Variants in PTCHD4 observed in about 807,000 individuals in gnomAD.
PTCHD4 encodes patched domain-containing protein 4.
A neutral mutation model predicts 58.1 loss-of-function variants in PTCHD4; 33 were observed. That is an observed-to-expected ratio of 0.57 (90% CI 0.43 to 0.76). The LOEUF (loss-of-function observed/expected upper bound fraction) is 0.76, where lower values mean the gene tolerates loss of function less well. PTCHD4 is among the 30% of genes least tolerant of loss of function. The probability of loss-of-function intolerance (pLI) is 0.00; values close to 1 mark genes in which losing one functional copy is unlikely to be tolerated. For synonymous variants in PTCHD4, 478 were observed against 409.6 expected (o/e 1.17, Z -2.02); for missense variants, 1,058 against 1,027.1 (o/e 1.03, Z -0.41).
chr6:47,932,975 T>C lies in PTCHD4; in HGVS notation c.899-53039A>G, dbSNP rs1044447766. 2.6e-5 allele frequency among the ~76,000 whole-genome samples: 4 copies of C among 152,190 alleles called. No homozygotes were observed. In the East Asian group the frequency reaches 7.7e-4, roughly 29 times the overall value. On this transcript the variant is annotated intron_variant, in intron 4 of 4. Coordinates refer to ENST00000339488, the MANE Select transcript of PTCHD4 (RefSeq NM_001384253.1). ...TGTATTATTAATCAAAGGAAGAGAG[T>C]ATAGAATATCTAGAAGAAAGATGAC... is the stretch of plus-strand genomic sequence containing the variant.
chr6:48,068,302 G>C lies in PTCHD4; in HGVS notation c.345C>G (p.Ser115=), dbSNP rs575669764. Residue 115 remains serine (S), a synonymous_variant, in exon 3 of 5, where the codon TCC becomes TCG. Transcript: ENST00000339488. The surrounding 1 kb of genome is among the most constrained non-coding windows in gnomAD (Gnocchi z 4.2). Reference sequence around the variant, plus strand: ...GGAGCAAAATATTGTCCCCGGTTGGGGAGAGGAGGATCACCCTGCCATACC... The same window carrying C: ...GGAGCAAAATATTGTCCCCGGTTGGCGAGAGGAGGATCACCCTGCCATACC... ...PGRYGRVILL[S]PTGDNILLQA... 1.6e-5 allele frequency: 26 copies of C among 1,612,660 alleles called. No individual in the cohort carries two copies. The highest frequency in any genetic ancestry group is 1.9e-5 in the Non-Finnish European group (22 of 1,178,868).
chr6:48,045,366 T>A (rs1217238124), intron 3 of PTCHD4, among the ~76,000 whole-genome samples: 1 of 151,802 alleles, frequency 6.6e-6, no homozygotes, highest in Non-Finnish European at 1.5e-5. Context: ...CATTTAAAAG[T>A]GTTTGAGTCG....
intron 4 of PTCHD4, among the ~76,000 whole-genome samples, chr6:47,966,175 C>T (rs147764562): frequency 0.014 from 2,097 of 152,234 alleles, 20 homozygotes; most frequent in Non-Finnish European, 0.019. Context: ...GTCATACAGG[C>T]ATACTTTGAT....
chr6:48,089,082 T>C (rs1765316348), intron 1 of PTCHD4, among the ~76,000 whole-genome samples: 1 of 152,034 alleles, frequency 6.6e-6, no homozygotes, highest in Non-Finnish European at 1.5e-5. Context: ...ATGGGGGTAA[T>C]CATTACTATG....
At chr6:48,032,068 C>A (rs59046959) in intron 3 of PTCHD4, among the ~76,000 whole-genome samples, 120,561 of 151,266 alleles carry the variant, frequency 0.8, 48,066 homozygotes, top group Middle Eastern at 0.85. Context: ...CTCCACAAAC[C>A]CCAGGCATTT....
intron 3 of PTCHD4, among the ~76,000 whole-genome samples, chr6:48,049,302 G>A (rs1435535226): frequency 2.0e-5 from 3 of 146,426 alleles, no homozygotes; most frequent in Non-Finnish European, 4.5e-5. Flanking sequence ...ATAGTGCCAA[G>A]GTCAAGAAAC....
At chr6:48,003,951 G>T (rs566205071) in intron 4 of PTCHD4, among the ~76,000 whole-genome samples, 2 of 152,006 alleles carry the variant, frequency 1.3e-5, no homozygotes, top group African/African-American at 4.8e-5. Context: ...CTTTAGAAAG[G>T]CTTTTATCTG....
chr6:47,915,037 A>T (rs1461924835), intron 4 of PTCHD4, among the ~76,000 whole-genome samples: 2 of 152,118 alleles, frequency 1.3e-5, no homozygotes, highest in African/African-American at 2.4e-5. Flanking sequence ...GGGCCAATAA[A>T]ATATGTCTGC....
intron 4 of PTCHD4, among the ~76,000 whole-genome samples, chr6:47,890,205 G>C (rs1018910899): frequency 6.6e-6 from 1 of 151,466 alleles, no homozygotes; most frequent in South Asian, 2.1e-4. Context: ...AAATTTGTAT[G>C]TTTTTATATA....
intron 1 of PTCHD4, among the ~76,000 whole-genome samples, chr6:48,103,906 G>C (rs528113526): frequency 6.6e-6 from 1 of 152,132 alleles, no homozygotes; most frequent in Non-Finnish European, 1.5e-5. Flanking sequence ...AGAGGAAAAA[G>C]AATAAAAAGA....
Position 48,068,570 on chromosome 6 carries a change from G to T in PTCHD4, c.77C>A (p.Ser26Ter). The change falls in exon 3 of 5, where the codon TCG (serine) becomes TAG (stop). Residue 26 changes from serine (S) to a stop codon, truncating the protein, a stop_gained. Transcript: ENST00000339488. LOFTEE classifies it high-confidence loss of function. This position sits in a 1 kb window ranked among gnomAD's most constrained non-coding sequence, Gnocchi z 4.2. ...LRQVLRRGLQ[S>*]FCHRLGLCVS... ...GCACAAACCCAGCCTGTGGCAGAAC[G>T]ACTGGAGCCCTCTGCGAAGCACCTG... 1.3e-6 allele frequency: 2 copies of T among 1,583,698 alleles called. No homozygotes were observed. Among genetic ancestry groups the T allele is most frequent in the Non-Finnish European group, 1.7e-6 (2 of 1,169,276 alleles).
chr6:48,026,368 T>A (rs1234492042), intron 3 of PTCHD4, among the ~76,000 whole-genome samples: 2 of 152,178 alleles, frequency 1.3e-5, no homozygotes, highest in Non-Finnish European at 2.9e-5. Context: ...GCCAGCTTTG[T>A]CCATCTCCTT....
intron 4 of PTCHD4, among the ~76,000 whole-genome samples, chr6:47,983,314 A>T (rs1767951520): frequency 6.6e-6 from 1 of 152,164 alleles, no homozygotes; most frequent in Non-Finnish European, 1.5e-5. Context: ...AAAAGTTTTA[A>T]TGGTGCCTTG....
At chr6:48,042,452 C>T (rs946691046) in intron 3 of PTCHD4, among the ~76,000 whole-genome samples, 39 of 151,868 alleles carry the variant, frequency 2.6e-4, no homozygotes, top group African/African-American at 8.9e-4. Flanking sequence ...CAATATAATA[C>T]AGGGCACCTC....
At chr6:48,007,432 C>A (rs565082092) in intron 4 of PTCHD4, among the ~76,000 whole-genome samples, 1 of 152,152 alleles carries the variant, frequency 6.6e-6, no homozygotes. Context: ...TCTGACCACA[C>A]GCCTGCATCT....
At chr6:48,093,849 A>C (rs1163450098) in intron 1 of PTCHD4, among the ~76,000 whole-genome samples, 1 of 152,182 alleles carries the variant, frequency 6.6e-6, no homozygotes, top group Non-Finnish European at 1.5e-5. Context: ...TCCTTTGAGA[A>C]GGGAGAATTA....
At chr6:48,084,007 C>T (rs1765214515) in intron 1 of PTCHD4, among the ~76,000 whole-genome samples, 1 of 151,910 alleles carries the variant, frequency 6.6e-6, no homozygotes, top group African/African-American at 2.4e-5. Context: ...TTGTAAGCCA[C>T]TAAGTCTGTG....
At position 47,858,172 on chromosome 6, in the gene PTCHD4, C is replaced by A. The variant is rs1763341102; in HGVS notation, c.*20131G>T. Among the ~76,000 whole-genome samples the A allele has an allele frequency of 1.3e-5, 2 of 151,964 alleles. No individual in the cohort carries two copies. Among genetic ancestry groups the A allele is most frequent in the Admixed American group, 6.6e-5 (1 of 15,230 alleles). On this transcript the variant is annotated 3_prime_UTR_variant, in exon 5 of 5. Transcript: ENST00000339488. ...AGCAAGTGAGAGCTCTGAATGAATA[C>A]TCCAGCAATTATAGGAGAGGGAAGG...
intron 1 of PTCHD4, among the ~76,000 whole-genome samples, chr6:48,081,583 A>C (rs1765168156): frequency 6.6e-6 from 1 of 152,198 alleles, no homozygotes; most frequent in African/African-American, 2.4e-5. Context: ...ATTAGTATGC[A>C]TATTATATAA....
Sources: allele counts gnomAD v4.1 joint callset (sites outside exome capture counted in the v4.1 genomes callset), GRCh38; gene constraint gnomAD v4.1.1; non-coding constraint Gnocchi (gnomAD v3.1); transcripts MANE v1.5; gene names NCBI Gene and HGNC (gene_info 2026-07-23, HGNC 2026-07-21).